TADA2B: variants seen among roughly 807,000 people sequenced by gnomAD.
TADA2B encodes the protein transcriptional adaptor 2B.
In TADA2B, 13 loss-of-function variants were observed where a neutral mutation model predicts 34.5. That is an observed-to-expected ratio of 0.38 (90% CI 0.25 to 0.60). The LOEUF (loss-of-function observed/expected upper bound fraction) is 0.60, where lower values mean the gene tolerates loss of function less well. Among genes scored for constraint, TADA2B ranks in the 20% least tolerant of loss-of-function variants. The probability of loss-of-function intolerance (pLI) is 0.65; values close to 1 mark genes in which losing one functional copy is unlikely to be tolerated. For missense variants in TADA2B, 442 were observed against 575.0 expected (o/e 0.77, Z 2.37); for synonymous variants, 240 against 243.4 (o/e 0.99, Z 0.13).
chr4:7,053,404 G>C (rs1379494251), intron 1 of TADA2B: 1 of 152,294 alleles, frequency 6.6e-6, no homozygotes, highest in African/African-American at 2.4e-5. Flanking sequence ...AGAGCCACAG[G>C]CCCATCTTCT....
At chr4:7,053,975 C>T in intron 1 of TADA2B, 87 bp from the exon 2 acceptor site, 1 of 1,435,816 alleles carries the variant, frequency 7.0e-7, no homozygotes. Context: ...TCTAGGTCAG[C>T]CTTTGTAAAA....
chr4:7,050,767 A>T (rs1181162481), intron 1 of TADA2B, among the ~76,000 whole-genome samples: 1 of 152,236 alleles, frequency 6.6e-6, no homozygotes, highest in Non-Finnish European at 1.5e-5. Context: ...TTGTTCCAGA[A>T]AGAAGAGCAG....
chr4:7,053,874 A>G (rs1368134297), intron 1 of TADA2B, 188 bp from the exon 2 acceptor site: 1 of 620,196 alleles, frequency 1.6e-6, no homozygotes, highest in Non-Finnish European at 2.7e-6. Context: ...TGTTGCTTCA[A>G]CATTGTCATC....
intron 1 of TADA2B, among the ~76,000 whole-genome samples, chr4:7,049,800 C>T (rs1219585521): frequency 2.0e-5 from 3 of 152,184 alleles, no homozygotes; most frequent in Admixed American, 6.5e-5. Context: ...GGGGCCACCG[C>T]ATGGCCGTGA....
At chr4:7,046,474 G>T (rs983667952) in intron 1 of TADA2B, among the ~76,000 whole-genome samples, 1 of 152,228 alleles carries the variant, frequency 6.6e-6, no homozygotes, top group African/African-American at 2.4e-5. Flanking sequence ...GAAACTAAGC[G>T]CCTTGTCAGG....
At chr4:7,043,870 C>T in intron 1 of TADA2B, 21 bp downstream of exon 1, 1 of 1,455,516 alleles carries the variant, frequency 6.9e-7, no homozygotes, top group Non-Finnish European at 9.1e-7. Flanking sequence ...CGACGGGGGC[C>T]GGGTCCCGGC....
intron 1 of TADA2B, chr4:7,045,245 T>G (rs952738411): frequency 7.2e-5 from 11 of 152,646 alleles, no homozygotes; most frequent in Non-Finnish European, 1.3e-4. Context: ...CTTAGTTCCT[T>G]GTTCCACTAA....
intron 1 of TADA2B, among the ~76,000 whole-genome samples, chr4:7,051,882 C>T (rs1441434271): frequency 6.6e-6 from 1 of 152,232 alleles, no homozygotes; most frequent in Non-Finnish European, 1.5e-5. Context: ...CAGGCGTGAG[C>T]CACCGTGCCC....
chr4:7,050,080 C>T (rs759786050), intron 1 of TADA2B, among the ~76,000 whole-genome samples: 2 of 152,252 alleles, frequency 1.3e-5, no homozygotes, highest in Non-Finnish European at 2.9e-5. Flanking sequence ...CATGTCTGCA[C>T]GCTTCTGCGG....
rs1291348000 is a variant in TADA2B at position 7,043,869 on chromosome 4, C to T, written c.270+20C>T. The T allele has an allele frequency of 2.1e-6, 3 of 1,456,208 alleles. No homozygotes were observed. In the South Asian group the frequency reaches 4.1e-5, roughly 20 times the overall value. The allele number at this position is 1,456,208 out of a possible 1,614,324, so 90.2% of individuals were successfully genotyped here. A position where few individuals can be genotyped will look rare whatever the true frequency, so the allele number is the denominator to read the frequency against. On this transcript the variant is annotated intron_variant, in intron 1 of 1. Coordinates refer to ENST00000310074, the MANE Select transcript of TADA2B (RefSeq NM_152293.3). Reference sequence around the variant, plus strand: ...AACTGGGTGAGCGGCGCGACGGGGGCCGGGTCCCGGCTAGGGCACTGGAAG... The same window carrying T: ...AACTGGGTGAGCGGCGCGACGGGGGTCGGGTCCCGGCTAGGGCACTGGAAG...
intron 1 of TADA2B, among the ~76,000 whole-genome samples, chr4:7,047,447 C>A (rs564175444): frequency 1.3e-5 from 2 of 152,338 alleles, no homozygotes; most frequent in South Asian, 2.1e-4. Flanking sequence ...GGTGGGGTGT[C>A]CTGAGTAGAG....
intron 1 of TADA2B, among the ~76,000 whole-genome samples, chr4:7,047,903 C>CT (rs1234409589): frequency 1.3e-5 from 2 of 152,222 alleles, no homozygotes; most frequent in African/African-American, 4.8e-5. Context: ...TGAGCAGGTG[C>CT]TTTGACACGC....
At position 7,043,478 on chromosome 4, in the gene TADA2B, T is replaced by C. The variant is rs1723537708; in HGVS notation, c.-102T>C. On this transcript the variant is annotated 5_prime_UTR_variant, in exon 1 of 2. Transcript: ENST00000310074. ...AGCCGCGGCGGCGGGCGGCGGTTGC[T>C]CGTGCGCGGCGGCGGCGGCGGGTCC... is the stretch of plus-strand genomic sequence containing the variant. 4.5e-6 allele frequency: 3 copies of C among 666,156 alleles called. No homozygotes were observed. Among genetic ancestry groups the C allele is most frequent in the Non-Finnish European group, 5.5e-6 (3 of 548,902 alleles). 41.3% of individuals were successfully genotyped at this position (666,156 alleles called of 1,614,324 possible). A position where few individuals can be genotyped will look rare whatever the true frequency, so the allele number is the denominator to read the frequency against.
intron 1 of TADA2B, among the ~76,000 whole-genome samples, chr4:7,050,691 A>G (rs1005393181): frequency 5.3e-5 from 8 of 152,224 alleles, no homozygotes; most frequent in African/African-American, 1.9e-4. Context: ...CCGGGCGCAA[A>G]GGCCTGCGTT....
At chr4:7,047,154 G>A (rs1190637147) in intron 1 of TADA2B, among the ~76,000 whole-genome samples, 5 of 152,172 alleles carry the variant, frequency 3.3e-5, no homozygotes. Context: ...CCCTGCTGGA[G>A]CACAGGAACA....
chr4:7,052,423 C>A (rs1229632893), intron 1 of TADA2B, among the ~76,000 whole-genome samples: 1 of 152,242 alleles, frequency 6.6e-6, no homozygotes, highest in Non-Finnish European at 1.5e-5. Context: ...CATTGCGGTT[C>A]CTGGGGCTCC....
At position 7,056,195 on chromosome 4, in the gene TADA2B, C is replaced by G. The variant is rs552330316; in HGVS notation, c.*1141C>G. The G allele has an allele frequency of 6.5e-6, 1 of 152,800 alleles. No homozygotes were observed. The highest frequency in any genetic ancestry group is 1.5e-5 in the Non-Finnish European group (1 of 68,080). 9.5% of individuals were successfully genotyped at this position (152,800 alleles called of 1,614,324 possible). A position where few individuals can be genotyped will look rare whatever the true frequency, so the allele number is the denominator to read the frequency against. Reference sequence around the variant, plus strand: ...GGAGCCCGGGTGGTGCCCTGAGCCTCGAGCTGCTCTCTGTCACTGTCTTGA... The same window carrying G: ...GGAGCCCGGGTGGTGCCCTGAGCCTGGAGCTGCTCTCTGTCACTGTCTTGA... On this transcript the variant is annotated 3_prime_UTR_variant, in exon 2 of 2. Coordinates refer to ENST00000310074, the MANE Select transcript of TADA2B (RefSeq NM_152293.3).
At chr4:7,048,009 A>T (rs1406806181) in intron 1 of TADA2B, among the ~76,000 whole-genome samples, 1 of 152,184 alleles carries the variant, frequency 6.6e-6, no homozygotes, top group Non-Finnish European at 1.5e-5. Context: ...GGGAACGTGG[A>T]ATTTCAACCC....
rs780469188 is a variant in TADA2B at position 7,054,274 on chromosome 4, G to A, written c.483G>A (p.Gln161=). 6.2e-7 allele frequency: 1 copy of A among 1,612,708 alleles called. No individual in the cohort carries two copies. Among genetic ancestry groups the A allele is most frequent in the Admixed American group, 1.7e-5 (1 of 59,908 alleles). The change falls in exon 2 of 2, where the codon CAG becomes CAA. Residue 161 remains glutamine (Q), a synonymous_variant. Coordinates refer to ENST00000310074, the MANE Select transcript of TADA2B (RefSeq NM_152293.3). Reference sequence around the variant, plus strand: ...CGCTGGACATCTCTGTGGCTGAGCAGCAGCAGCTGGGCTACATGCCGCTGC... The same window carrying A: ...CGCTGGACATCTCTGTGGCTGAGCAACAGCAGCTGGGCTACATGCCGCTGC... ...LPPLDISVAE[Q]QQLGYMPLRD...
Sources: gnomAD v4.1 joint callset for allele counts (sites outside exome capture counted in the v4.1 genomes callset) on GRCh38, gnomAD v4.1.1 for gene constraint, MANE v1.5 for transcripts, NCBI Gene and HGNC (gene_info 2026-07-23, HGNC 2026-07-21) for gene names.